BCAS3: variants seen among roughly 807,000 people sequenced by gnomAD.
BCAS3 encodes the protein BCAS3 microtubule associated cell migration factor.
Under a neutral mutation model 116.1 loss-of-function variants are expected in BCAS3, and 53 were observed. The observed-to-expected ratio is 0.46, with a 90% CI of 0.37 to 0.57. The LOEUF (loss-of-function observed/expected upper bound fraction) is 0.57, where lower values mean the gene tolerates loss of function less well. Ranked by LOEUF, BCAS3 falls within the 20% of genes least tolerant of loss-of-function variation. The probability of loss-of-function intolerance (pLI) is 0.00; values close to 1 mark genes in which losing one functional copy is unlikely to be tolerated. For synonymous variants in BCAS3, 391 were observed against 408.2 expected (o/e 0.96, Z 0.51); for missense variants, 917 against 1,165.4 (o/e 0.79, Z 3.10).
chr17:61,388,823 C>A lies in BCAS3; in HGVS notation c.2594-3154C>A. ...CTCCACTTCCCACACACACCCCTGC[C>A]TGCAGGGGGAGGAGCAGAAGGGGTC... On this transcript the variant is annotated intron_variant, in intron 23 of 23. Transcript: ENST00000407086. This position sits in a 1 kb window ranked among gnomAD's most constrained non-coding sequence, Gnocchi z 6.5. 9 of 1,019,156 alleles carry A rather than the reference C, an allele frequency of 8.8e-6. No homozygotes were observed. Among genetic ancestry groups the A allele is most frequent in the Non-Finnish European group, 1.3e-5 (9 of 703,128 alleles). The allele number at this position is 1,019,156 out of a possible 1,614,324, so 63.1% of individuals were successfully genotyped here. A position where few individuals can be genotyped will look rare whatever the true frequency, so the allele number is the denominator to read the frequency against.
In BCAS3 at chr17:60,964,221, T is replaced by G. The variant is rs1218386594; in HGVS notation, c.1221+16869T>G. ...TGAAGTATGTTGTTTCTATACCCAT[T>G]TTGATTAGGGGTTTTTTTATATCAT... On this transcript the variant is annotated intron_variant, in intron 14 of 23. Transcript: ENST00000407086. The surrounding 1 kb of genome is among the most constrained non-coding windows in gnomAD (Gnocchi z 4.6). 1.3e-5 allele frequency among the ~76,000 whole-genome samples: 2 copies of G among 152,200 alleles called. No individual in the cohort carries two copies. The highest frequency in any genetic ancestry group is 2.9e-5 in the Non-Finnish European group (2 of 68,028).
At chr17:60,976,020 C>CGTTTTTTTTTTTTT (rs1555644289) in intron 14 of BCAS3, among the ~76,000 whole-genome samples, 1 of 98,286 alleles carries the variant, frequency 1.0e-5, no homozygotes, top group Non-Finnish European at 1.8e-5. Context: ...TAGATTTTTG[C>CGTTTTTTTTTTTTT]TTTTTTTTTT....
At chr17:60,779,694 T>C (rs567103997) in intron 6 of BCAS3, among the ~76,000 whole-genome samples, 66 of 152,242 alleles carry the variant, frequency 4.3e-4, no homozygotes, top group Admixed American at 2.6e-3. Context: ...ACTTGGTTCC[T>C]ATCAAGATAG....
At chr17:60,778,459 A>G (rs1288610856) in intron 6 of BCAS3, among the ~76,000 whole-genome samples, 1 of 152,218 alleles carries the variant, frequency 6.6e-6, no homozygotes, top group African/African-American at 2.4e-5. Flanking sequence ...CTGTAATTGA[A>G]TAAATCCTTA....
rs1319088548 is a variant in BCAS3, at chr17:61,038,160, CA to C, written c.1928+107del. ...GACATGCATACAGCTACGAAATCAT[CA>C]CCACAATTAACATGGTAAACAAATA... On this transcript the variant is annotated intron_variant, in intron 18 of 23. Coordinates refer to ENST00000407086, the MANE Select transcript of BCAS3 (RefSeq NM_017679.5). The C allele has an allele frequency of 3.1e-6, 3 of 973,440 alleles. No homozygotes were observed. In the African/African-American group the frequency reaches 5.0e-5, roughly 16 times the overall value. 60.3% of individuals were successfully genotyped at this position (973,440 alleles called of 1,614,324 possible).
In BCAS3 at chr17:61,313,323, C is replaced by T. The variant is rs1361861946; in HGVS notation, c.2426-55004C>T. On this transcript the variant is annotated intron_variant, in intron 22 of 23. Transcript: ENST00000407086. The surrounding 1 kb of genome is among the most constrained non-coding windows in gnomAD (Gnocchi z 4.3). Reference sequence around the variant, plus strand: ...TACTCCAAAGACTGTCTTCCCTCCACCATGCCCTACTACCTTCCTATAGGA... The same window carrying T: ...TACTCCAAAGACTGTCTTCCCTCCATCATGCCCTACTACCTTCCTATAGGA... Among the ~76,000 whole-genome samples, 1 of 152,230 alleles carries T rather than the reference C, an allele frequency of 6.6e-6. No homozygotes were observed. Among genetic ancestry groups the T allele is most frequent in the Non-Finnish European group, 1.5e-5 (1 of 68,040 alleles).
intron 19 of BCAS3, among the ~76,000 whole-genome samples, chr17:61,059,567 T>C (rs1320260375): frequency 6.6e-6 from 1 of 152,206 alleles, no homozygotes; most frequent in Non-Finnish European, 1.5e-5. Flanking sequence ...GAGGTCTTTC[T>C]TGCTTCTCAT....
At chr17:61,182,515 T>A (rs1305053859) in intron 22 of BCAS3, among the ~76,000 whole-genome samples, 2 of 152,220 alleles carry the variant, frequency 1.3e-5, no homozygotes, top group African/African-American at 4.8e-5. Flanking sequence ...CAGCCTTATT[T>A]AGGTATAATT....
intron 17 of BCAS3, among the ~76,000 whole-genome samples, chr17:61,036,713 A>G (rs2067063933): frequency 6.6e-6 from 1 of 152,134 alleles, no homozygotes; most frequent in Non-Finnish European, 1.5e-5. Context: ...AACCGGAGAG[A>G]GAGGACTAAA....
At position 61,070,109 on chromosome 17, in the gene BCAS3, C is replaced by T. The variant is rs377016612; in HGVS notation, c.2030-4811C>T. On this transcript the variant is annotated intron_variant, in intron 19 of 23. Transcript: ENST00000407086. Reference sequence around the variant, plus strand: ...GACCACTATGCTATCATCAAGTTTCCGCTGACCACTGAGTCTGCCATGAAG... The same window carrying T: ...GACCACTATGCTATCATCAAGTTTCTGCTGACCACTGAGTCTGCCATGAAG... 3.0e-5 allele frequency: 47 copies of T among 1,572,102 alleles called. 1 individual carries two copies. The East Asian group carries it at 3.6e-4, about 12-fold the overall frequency.
At chr17:60,913,285 AGCC>A (rs1237628097) in intron 12 of BCAS3, among the ~76,000 whole-genome samples, 1 of 152,126 alleles carries the variant, frequency 6.6e-6, no homozygotes, top group Non-Finnish European at 1.5e-5. Flanking sequence ...ACTGGTTAGT[AGCC>A]CCAATCTTCC....
intron 22 of BCAS3, among the ~76,000 whole-genome samples, chr17:61,174,833 C>T (rs2079048211): frequency 1.3e-5 from 2 of 152,308 alleles, no homozygotes; most frequent in Non-Finnish European, 1.5e-5. Context: ...GTAGGGAATA[C>T]ACTCGATAGA....
chr17:61,099,078 C>T (rs1290688303), intron 22 of BCAS3, among the ~76,000 whole-genome samples: 4 of 152,118 alleles, frequency 2.6e-5, no homozygotes, highest in Non-Finnish European at 5.9e-5. Context: ...GAGCTGAGAT[C>T]GCACCATTGC....
intron 23 of BCAS3, chr17:61,389,259 C>T: frequency 6.5e-6 from 1 of 153,790 alleles, no homozygotes; most frequent in Non-Finnish European, 1.4e-5. Context: ...GAGCAAGTTA[C>T]ATGAACACAG....
rs907784234 is a variant in BCAS3, at chr17:61,366,663, G to A, written c.2426-1664G>A. ...CTACTTGATGGAGAGGTGGCAGAGGGAGCTCCCCATTCTCAAGTCCTACCT... is the reference window on the plus strand; with the variant it reads ...CTACTTGATGGAGAGGTGGCAGAGGAAGCTCCCCATTCTCAAGTCCTACCT... On this transcript the variant is annotated intron_variant, in intron 22 of 23. Coordinates refer to ENST00000407086, the MANE Select transcript of BCAS3 (RefSeq NM_017679.5). The surrounding 1 kb of genome is among the most constrained non-coding windows in gnomAD (Gnocchi z 4.5). Among the ~76,000 whole-genome samples, 1 of 152,160 alleles carries A rather than the reference G, an allele frequency of 6.6e-6. No individual in the cohort carries two copies. The highest frequency in any genetic ancestry group is 1.5e-5 in the Non-Finnish European group (1 of 68,028).
chr17:60,820,715 G>T (rs568964733), intron 7 of BCAS3, among the ~76,000 whole-genome samples: 1 of 152,180 alleles, frequency 6.6e-6, no homozygotes, highest in African/African-American at 2.4e-5. Context: ...TGGAATGGGG[G>T]TATAAGAAAG....
chr17:60,727,303 C>A, intron 5 of BCAS3: 1 of 1,185,968 alleles, frequency 8.4e-7, no homozygotes, highest in Admixed American at 1.7e-5. Context: ...TCTTTGTGGT[C>A]TTAGCCTTCT....
intron 14 of BCAS3, chr17:60,980,708 AT>A (rs754035786): frequency 6.0e-5 from 9 of 149,932 alleles, no homozygotes; most frequent in Non-Finnish European, 1.0e-4. Flanking sequence ...TAATTTTTCT[AT>A]TTTTTTTGCA....
intron 6 of BCAS3, among the ~76,000 whole-genome samples, chr17:60,758,430 T>G (rs1044086952): frequency 6.6e-6 from 1 of 152,098 alleles, no homozygotes; most frequent in Non-Finnish European, 1.5e-5. Flanking sequence ...ATTCTGCTAA[T>G]TTTGAGTTTG....
Sources: gnomAD v4.1 joint callset for allele counts (sites outside exome capture counted in the v4.1 genomes callset) on GRCh38, gnomAD v4.1.1 for gene constraint, Gnocchi (gnomAD v3.1) non-coding constraint, MANE v1.5 for transcripts, NCBI Gene and HGNC (gene_info 2026-07-23, HGNC 2026-07-21) for gene names.